MGAT4C: variants seen among roughly 807,000 people sequenced by gnomAD.
The protein encoded by MGAT4C is MGAT4 family member C.
MGAT4C carries 19 observed loss-of-function variants against 40.1 expected under a neutral mutation model. The observed-to-expected ratio is 0.47, with a 90% confidence interval of 0.33 to 0.70. The LOEUF (loss-of-function observed/expected upper bound fraction) is 0.70, where lower values mean the gene tolerates loss of function less well. MGAT4C is among the 30% of genes least tolerant of loss of function. MGAT4C has a pLI of 0.02. For missense variants in MGAT4C, 491 were observed against 563.2 expected (o/e 0.87, Z 1.30); for synonymous variants, 181 against 187.1 (o/e 0.97, Z 0.27).
chr12:86,227,138 A>G (rs1391382061), intron 1 of MGAT4C, among the ~76,000 whole-genome samples: 1 of 151,916 alleles, frequency 6.6e-6, no homozygotes. Flanking sequence ...GACACATTTC[A>G]TCACTACATG....
intron 3 of MGAT4C, among the ~76,000 whole-genome samples, chr12:86,431,933 G>A (rs1957047143): frequency 6.6e-6 from 1 of 151,992 alleles, no homozygotes; most frequent in Non-Finnish European, 1.5e-5. Context: ...TAAAGACTAT[G>A]GAGAGAAGAG....
At chr12:86,630,828 C>A (rs1963009488) in intron 2 of MGAT4C, among the ~76,000 whole-genome samples, 1 of 152,172 alleles carries the variant, frequency 6.6e-6, no homozygotes, top group Non-Finnish European at 1.5e-5. Flanking sequence ...GAAGCATTCC[C>A]TTTGAAAACT....
chr12:86,007,162 T>C (rs945393788), intron 2 of MGAT4C, among the ~76,000 whole-genome samples: 2 of 152,174 alleles, frequency 1.3e-5, no homozygotes, highest in Non-Finnish European at 2.9e-5. Flanking sequence ...CAATGAATGG[T>C]TAAATATACA....
chr12:86,648,807 T>C (rs1963618011), intron 2 of MGAT4C, among the ~76,000 whole-genome samples: 2 of 151,900 alleles, frequency 1.3e-5, no homozygotes, highest in Admixed American at 6.6e-5. Context: ...AAATTGTTTA[T>C]ATAATTGTTA....
intron 2 of MGAT4C, among the ~76,000 whole-genome samples, chr12:86,685,891 C>G (rs1950063405): frequency 6.9e-6 from 1 of 145,890 alleles, no homozygotes; most frequent in African/African-American, 2.6e-5. Flanking sequence ...GAGACAGAGT[C>G]TTGCTCTGTT....
chr12:86,798,170 G>T (rs1952164480), intron 1 of MGAT4C, among the ~76,000 whole-genome samples: 1 of 151,828 alleles, frequency 6.6e-6, no homozygotes, highest in Admixed American at 6.6e-5. Context: ...GCCATCACAG[G>T]TTGCACACCC....
At chr12:86,492,982 T>C (rs1010430698) in intron 2 of MGAT4C, among the ~76,000 whole-genome samples, 71 of 151,568 alleles carry the variant, frequency 4.7e-4, no homozygotes, top group Non-Finnish European at 5.6e-4. Context: ...AAAAAGTGGG[T>C]GAAGGACATG....
rs1883505434 is a variant in MGAT4C at position 85,969,288 on chromosome 12, G to C, written c.*10001C>G. The C allele has an allele frequency of 6.6e-6, 1 of 151,576 alleles. No individual in the cohort carries two copies. Among genetic ancestry groups the C allele is most frequent in the East Asian group, 1.9e-4 (1 of 5,186 alleles). 9.4% of individuals were successfully genotyped at this position (151,576 alleles called of 1,614,324 possible). On this transcript the variant is annotated 3_prime_UTR_variant, in exon 5 of 5. Coordinates refer to ENST00000611864, the MANE Select transcript of MGAT4C (RefSeq NM_001351288.2). ...CTATAGGCCAATAAACACAACTTTGGGGTTTACTGATGTTTTCCAACATCC... is the reference window on the plus strand; with the variant it reads ...CTATAGGCCAATAAACACAACTTTGCGGTTTACTGATGTTTTCCAACATCC...
At chr12:86,030,395 A>G (rs1194626449) in intron 2 of MGAT4C, among the ~76,000 whole-genome samples, 2 of 151,778 alleles carry the variant, frequency 1.3e-5, no homozygotes, top group East Asian at 1.9e-4. Flanking sequence ...TGCCTATACT[A>G]TGGCTTAATG....
chr12:86,773,683 T>C (rs1191746734), intron 1 of MGAT4C, among the ~76,000 whole-genome samples: 4 of 152,072 alleles, frequency 2.6e-5, no homozygotes, highest in African/African-American at 9.7e-5. Context: ...TTTATATTCA[T>C]ATCTCTTAAC....
Position 86,268,412 on chromosome 12 carries a change from AT to A in MGAT4C, c.-57+65652del, listed in dbSNP as rs202184784. ...CTATGTCAAAATTTTGCTCATATAG[AT>A]TTAAAAACATTGAAAAATACATGAT... On this transcript the variant is annotated intron_variant, in intron 4 of 7. Coordinates refer to the MGAT4C transcript ENST00000548651. 3.6e-4 allele frequency among the ~76,000 whole-genome samples: 54 copies of A among 152,112 alleles called. 1 individual carries two copies. In the East Asian group the frequency reaches 5.8e-3, roughly 16 times the overall value.
At chr12:86,715,424 T>C (rs77054757) in intron 2 of MGAT4C, among the ~76,000 whole-genome samples, 4,748 of 152,206 alleles carry the variant, frequency 0.031, 120 homozygotes, top group African/African-American at 0.074. Context: ...TGTTTCTTGA[T>C]CTGGGTGCTG....
At chr12:86,700,592 T>C (rs973876993) in intron 2 of MGAT4C, among the ~76,000 whole-genome samples, 33 of 152,126 alleles carry the variant, frequency 2.2e-4, no homozygotes, top group African/African-American at 7.7e-4. Context: ...AGGTTACGTA[T>C]GTATTATAGT....
intron 2 of MGAT4C, among the ~76,000 whole-genome samples, chr12:86,033,432 TTAGAGCAGTATTTTATC>T (rs1287017168): frequency 6.7e-6 from 1 of 149,688 alleles, no homozygotes; most frequent in Non-Finnish European, 1.5e-5. Context: ...CTTTGATTTC[TTAGAGCAGTATTTTATC>T]TCTCACTGTG....
chr12:86,417,846 C>T (rs940118305), intron 3 of MGAT4C, among the ~76,000 whole-genome samples: 3 of 151,970 alleles, frequency 2.0e-5, no homozygotes, highest in African/African-American at 7.2e-5. Flanking sequence ...ACATACTTTA[C>T]ATAGACTATC....
chr12:86,089,218 A>G (rs1872448621), intron 1 of MGAT4C, among the ~76,000 whole-genome samples: 1 of 151,972 alleles, frequency 6.6e-6, no homozygotes, highest in Non-Finnish European at 1.5e-5. Flanking sequence ...ACATGTAAAC[A>G]CTTCCTTTTG....
At chr12:86,656,204 T>A (rs1963846453) in intron 2 of MGAT4C, among the ~76,000 whole-genome samples, 1 of 152,004 alleles carries the variant, frequency 6.6e-6, no homozygotes, top group African/African-American at 2.4e-5. Context: ...CCGTGGTAAA[T>A]CATAGCATAT....
At chr12:86,284,723 T>C (rs1250581261) in intron 4 of MGAT4C, among the ~76,000 whole-genome samples, 1 of 151,972 alleles carries the variant, frequency 6.6e-6, no homozygotes, top group Non-Finnish European at 1.5e-5. Flanking sequence ...TCCTAGTTTA[T>C]ATTTAAAACT....
intron 2 of MGAT4C, among the ~76,000 whole-genome samples, chr12:86,516,676 A>G (rs2136354313): frequency 6.6e-6 from 1 of 152,310 alleles, no homozygotes; most frequent in South Asian, 2.1e-4. Flanking sequence ...AAAAAGTAAA[A>G]CAACAAGCCA....
Sources: gnomAD v4.1 joint callset for allele counts (sites outside exome capture counted in the v4.1 genomes callset) on GRCh38, gnomAD v4.1.1 for gene constraint, MANE v1.5 for transcripts, NCBI Gene and HGNC (gene_info 2026-07-23, HGNC 2026-07-21) for gene names.